The following CD96 variants were observed in gnomAD, a reference collection of about 807,000 sequenced individuals.
CD96 encodes the protein T-cell surface protein tactile.
A neutral mutation model predicts 71.3 loss-of-function variants in CD96; 70 were observed. The ratio of observed to expected loss-of-function variants is 0.98; its 90% CI spans 0.81 to 1.20. The LOEUF is 1.20. Among genes scored for constraint, CD96 ranks in the 50% most tolerant of loss-of-function variants. The probability of loss-of-function intolerance (pLI) is 0.00; values close to 1 mark genes in which losing one functional copy is unlikely to be tolerated. For missense variants in CD96, 742 were observed against 677.5 expected (o/e 1.10, Z -1.06); for synonymous variants, 248 against 233.0 (o/e 1.06, Z -0.59).
chr3:111,643,103 A>T (rs545299728), intron 12 of CD96, among the ~76,000 whole-genome samples: 76 of 151,890 alleles, frequency 5.0e-4, no homozygotes, highest in African/African-American at 1.7e-3. Context: ...AGCTAACCAA[A>T]TTCAACAACA....
chr3:111,599,172 G>A (rs1232609930), intron 6 of CD96, among the ~76,000 whole-genome samples: 5 of 151,970 alleles, frequency 3.3e-5, no homozygotes. Flanking sequence ...GTTTCACCGT[G>A]TTAGCCAGGA....
intron 10 of CD96, among the ~76,000 whole-genome samples, chr3:111,630,354 C>T (rs1043225639): frequency 1.3e-5 from 2 of 152,226 alleles, no homozygotes; most frequent in East Asian, 3.9e-4. Context: ...GAAATACAAA[C>T]AATCGTTAGA....
downstream of CD96, among the ~76,000 whole-genome samples, chr3:111,654,895 C>A (rs562313845): frequency 3.3e-5 from 5 of 152,222 alleles, no homozygotes; most frequent in Non-Finnish European, 7.3e-5. Context: ...GGGGATAGAA[C>A]AACAGTTACA....
At chr3:111,601,593 T>A (rs1262789749) in intron 7 of CD96, among the ~76,000 whole-genome samples, 2 of 152,192 alleles carry the variant, frequency 1.3e-5, no homozygotes, top group Non-Finnish European at 2.9e-5. Context: ...ACAACAGATA[T>A]GCCTGAAGAA....
rs139149334 is a variant in CD96 at position 111,626,193 on chromosome 3, C to T, written c.1321+1789C>T. Among the ~76,000 whole-genome samples, 86 of 146,778 alleles carry T rather than the reference C, an allele frequency of 5.9e-4. 3 individuals are homozygous for T. The highest frequency in any genetic ancestry group is 2.0e-3 in the African/African-American group (80 of 39,890). The stretch of plus-strand genomic sequence containing the variant: ...GTGGGCACCTGTAGTCCCAGCTACT[C>T]GGGAGGCTGAGGCAGGAGAATGGTG... On this transcript the variant is annotated intron_variant, in intron 10 of 13. Coordinates refer to ENST00000352690, the MANE Select transcript of CD96 (RefSeq NM_005816.5).
chr3:111,626,306 C>CAA (rs71131971), intron 10 of CD96, among the ~76,000 whole-genome samples: 19,438 of 73,710 alleles, frequency 0.26, 4,083 homozygotes, highest in Non-Finnish European at 0.3. Context: ...GACTCCGTCT[C>CAA]AAAAAAAAAA....
At position 111,593,693 on chromosome 3, in the gene CD96, C is replaced by A. The variant is rs149628986; in HGVS notation, c.808-4427C>A. On this transcript the variant is annotated intron_variant, in intron 5 of 13. Transcript: ENST00000352690. ...CTCCCTTTTTTCCACAGCCCTCTCC[C>A]GCCATTCCACTGCCCTTTCCCTCCT... 6.2e-7 allele frequency: 1 copy of A among 1,613,716 alleles called. No individual in the cohort carries two copies. Among genetic ancestry groups the A allele is most frequent in the Non-Finnish European group, 8.5e-7 (1 of 1,179,736 alleles).
In CD96 at chr3:111,658,538, T is replaced by C. The variant is rs149729733; in HGVS notation, c.*53-6989T>C. Among the ~76,000 whole-genome samples, 3 of 152,354 alleles carry C rather than the reference T, an allele frequency of 2.0e-5. 1 individual carries two copies. The highest frequency in any genetic ancestry group is 2.0e-4 in the Admixed American group (3 of 15,298). ...GGAAATTTTGATGAAGATCAGGATA[T>C]ATGCATGGTCTCTAAGTGCCTCCCT... On this transcript the variant is annotated intron_variant and NMD_transcript_variant, in intron 14 of 14. Transcript: ENST00000494798.
At chr3:111,610,356 T>C (rs1181939479) in intron 8 of CD96, among the ~76,000 whole-genome samples, 2 of 152,204 alleles carry the variant, frequency 1.3e-5, no homozygotes, top group African/African-American at 4.8e-5. Context: ...GCATGTTCTT[T>C]GAAGAAAGGA....
chr3:111,651,581 T>C lies in CD96; in HGVS notation c.*1775T>C, dbSNP rs1003930154. The C allele has an allele frequency of 6.6e-6, 1 of 152,490 alleles. No homozygotes were observed. The highest frequency in any genetic ancestry group is 2.4e-5 in the African/African-American group (1 of 41,436). The allele number at this position is 152,490 out of a possible 1,614,324, so 9.4% of individuals were successfully genotyped here. A position where few individuals can be genotyped will look rare whatever the true frequency, so the allele number is the denominator to read the frequency against. Reference sequence around the variant, plus strand: ...CCATGAAGACACCAAGGCAGCCCTATTGAGAAATCTACCTGTCGTGGCCGG... The same window carrying C: ...CCATGAAGACACCAAGGCAGCCCTACTGAGAAATCTACCTGTCGTGGCCGG... On this transcript the variant is annotated 3_prime_UTR_variant, in exon 14 of 14. Transcript: ENST00000352690.
intron 8 of CD96, among the ~76,000 whole-genome samples, chr3:111,609,794 G>A (rs1478339356): frequency 6.6e-6 from 1 of 152,164 alleles, no homozygotes; most frequent in Non-Finnish European, 1.5e-5. Context: ...GTAAAACAAG[G>A]TTCCACCACA....
Position 111,610,481 on chromosome 3 carries a change from G to A in CD96, c.1180+3689G>A, listed in dbSNP as rs543980061. Among the ~76,000 whole-genome samples the A allele has an allele frequency of 9.8e-4, 149 of 152,332 alleles. 1 individual carries two copies. The highest frequency in any genetic ancestry group is 3.4e-3 in the African/African-American group (142 of 41,572). ...TCATTACGAAGCTGCATGTCTGGCT[G>A]CAAGCATCCAATTCTTATTTTTTCC... On this transcript the variant is annotated intron_variant, in intron 8 of 13. Transcript: ENST00000352690.
At position 111,650,558 on chromosome 3, in the gene CD96, A is replaced by G. The variant is rs1399571502; in HGVS notation, c.*752A>G. ...TTTGAGTGCCTTCGTGTGTATGTCC[A>G]TCAAACTGGAACCAAACTGTTTTGT... On this transcript the variant is annotated 3_prime_UTR_variant, in exon 14 of 14. Coordinates refer to ENST00000352690, the MANE Select transcript of CD96 (RefSeq NM_005816.5). The G allele has an allele frequency of 6.6e-6, 1 of 152,322 alleles. No individual in the cohort carries two copies. Among genetic ancestry groups the G allele is most frequent in the Non-Finnish European group, 1.5e-5 (1 of 68,116 alleles). 9.4% of individuals were successfully genotyped at this position (152,322 alleles called of 1,614,324 possible).
intron 4 of CD96, among the ~76,000 whole-genome samples, chr3:111,581,976 A>G (rs746429536): frequency 1.3e-5 from 2 of 152,176 alleles, no homozygotes; most frequent in Non-Finnish European, 1.5e-5. Context: ...AGTTAGCACC[A>G]TAGGTTTAGA....
chr3:111,570,560 CA>C, intron 3 of CD96: 2 of 1,371,056 alleles, frequency 1.5e-6, no homozygotes, highest in Non-Finnish European at 2.0e-6. Context: ...GGCCAGACAT[CA>C]GGGGGCACTA....
chr3:111,570,151 C>T (rs1340957185), intron 3 of CD96, among the ~76,000 whole-genome samples: 3 of 152,144 alleles, frequency 2.0e-5, no homozygotes, highest in African/African-American at 7.2e-5. Context: ...CCCCTCTCTC[C>T]CACCTTTGGG....
At chr3:111,597,417 T>C (rs1282912329) in intron 5 of CD96, among the ~76,000 whole-genome samples, 4 of 152,216 alleles carry the variant, frequency 2.6e-5, no homozygotes, top group Non-Finnish European at 2.9e-5. Flanking sequence ...CATTTTTTTA[T>C]TTCAATACAA....
chr3:111,637,353 C>G, intron 11 of CD96, 92 bp downstream of exon 11: 1 of 776,516 alleles, frequency 1.3e-6, no homozygotes, highest in Non-Finnish European at 2.4e-6. Flanking sequence ...AAGAAGCCAG[C>G]CTCAGATAGA....
chr3:111,607,743 C>G (rs921670724), intron 8 of CD96, among the ~76,000 whole-genome samples: 2 of 152,180 alleles, frequency 1.3e-5, no homozygotes, highest in African/African-American at 4.8e-5. Flanking sequence ...GAAAATGAAG[C>G]AAGTGGCAGA....
Sources: gnomAD v4.1 joint callset for allele counts (sites outside exome capture counted in the v4.1 genomes callset) on GRCh38, gnomAD v4.1.1 for gene constraint, MANE v1.5 for transcripts, NCBI Gene and HGNC (gene_info 2026-07-23, HGNC 2026-07-21) for gene names.